Variants in HAL observed in about 807,000 individuals in gnomAD.
The protein encoded by HAL is histidase.
HAL carries 85 observed loss-of-function variants against 81.1 expected under a neutral mutation model. The observed-to-expected ratio is 1.05, with a 90% CI of 0.88 to 1.25. The LOEUF (loss-of-function observed/expected upper bound fraction) is 1.25. HAL is among the 50% of genes most tolerant of loss of function. The pLI is 0.00. For missense variants in HAL, 798 were observed against 836.6 expected (o/e 0.95, Z 0.57); for synonymous variants, 301 against 309.2 (o/e 0.97, Z 0.28).
intron 9 of HAL, 39 bp downstream of exon 9, chr12:95,992,641 G>A: frequency 6.4e-7 from 1 of 1,574,788 alleles, no homozygotes; most frequent in Non-Finnish European, 8.7e-7. Context: ...TACATGTCCA[G>A]CCTCCACAGA....
At chr12:95,983,400 A>C (rs73216221) in intron 15 of HAL, among the ~76,000 whole-genome samples, 21,764 of 152,132 alleles carry the variant, frequency 0.14, 2,025 homozygotes, top group Non-Finnish European at 0.22. Context: ...AATAAACAAA[A>C]AAAAAAATGC....
chr12:95,986,353 C>T (rs12301817), intron 12 of HAL, among the ~76,000 whole-genome samples, 193 bp from the exon 13 acceptor site: 24,472 of 152,048 alleles, frequency 0.16, 2,151 homozygotes, highest in Non-Finnish European at 0.21. Flanking sequence ...GATATTAGAA[C>T]AAATGACCAT....
At chr12:95,977,898 A>C (rs1302599467) in intron 18 of HAL, 46 bp downstream of exon 18, 13 of 1,604,764 alleles carry the variant, frequency 8.1e-6, no homozygotes, top group Non-Finnish European at 8.5e-6. Context: ...CCACGGGCAC[A>C]GTGGTCTATC....
Position 95,976,461 on chromosome 12 carries a change from C to G in HAL, c.1801G>C (p.Glu601Gln), listed in dbSNP as rs377498665. ...TCCAGGAGCAGCCTGTGGGCTGCCT[C>G]GATGTCCGGGGCCATGAAGCGATCT... ...IKDRFMAPDI[E>Q]AAHRLLLEQK... The change falls in exon 20 of 21, where the codon GAG becomes CAG. Residue 601 changes from glutamate to glutamine, a missense_variant. Coordinates refer to ENST00000261208, the MANE Select transcript of HAL (RefSeq NM_002108.4). 6.2e-7 allele frequency: 1 copy of G among 1,614,088 alleles called. No homozygotes were observed. The highest frequency in any genetic ancestry group is 8.5e-7 in the Non-Finnish European group (1 of 1,179,972).
In HAL at chr12:95,974,037, C is replaced by T. The variant is rs986714572; in HGVS notation, c.*195G>A. 16 of 649,668 alleles carry T rather than the reference C, an allele frequency of 2.5e-5. No individual in the cohort carries two copies. Among genetic ancestry groups the T allele is most frequent in the Non-Finnish European group, 4.1e-5 (15 of 364,520 alleles). The allele number at this position is 649,668 out of a possible 1,614,324, so 40.2% of individuals were successfully genotyped here. A position where few individuals can be genotyped will look rare whatever the true frequency, so the allele number is the denominator to read the frequency against. ...CTGAAAATACCTGGTGGGTCTTGAA[C>T]CACGACAACAGGAACACAGTGCTGA... On this transcript the variant is annotated 3_prime_UTR_variant, in exon 21 of 21. Transcript: ENST00000261208.
chr12:95,990,603 G>T, intron 9 of HAL, 71 bp from the exon 10 acceptor site: 2 of 1,198,156 alleles, frequency 1.7e-6, no homozygotes, highest in Non-Finnish European at 1.2e-6. Flanking sequence ...GCCAGTGAGT[G>T]CCCCCACTGC....
At chr12:95,995,243 T>C in intron 2 of HAL, 1 of 587,352 alleles carries the variant, frequency 1.7e-6, no homozygotes, top group Non-Finnish European at 3.0e-6. Context: ...TCCATCCCCA[T>C]TCCCAGCTTT....
intron 18 of HAL, among the ~76,000 whole-genome samples, chr12:95,977,163 A>G (rs2080730712): frequency 6.6e-6 from 1 of 152,174 alleles, no homozygotes; most frequent in African/African-American, 2.4e-5. Flanking sequence ...GTGGTTTCCA[A>G]TTCCATATGA....
In HAL at chr12:95,987,130, C is replaced by A. The variant is rs1949899563; in HGVS notation, c.988G>T (p.Ala330Ser). Residue 330 changes from alanine (A) to serine (S), a missense_variant, in exon 12 of 21, where the codon GCT becomes TCT. Ala to Ser is a moderately conservative substitution (Grantham distance 99). Transcript: ENST00000261208. ...VERASAIARQ[A>S]DIVAALTLEV... is the part of the protein sequence containing the mutation. ...AGGGTCAGGGCTGCCACAATGTCAG[C>A]CTGCCGTGCAATAGCACTGGCTCGC... 1 of 1,613,664 alleles carries A rather than the reference C, an allele frequency of 6.2e-7. No individual in the cohort carries two copies. The highest frequency in any genetic ancestry group is 2.2e-5 in the East Asian group (1 of 44,890).
At chr12:95,974,814 A>G (rs1348412688) in intron 20 of HAL, among the ~76,000 whole-genome samples, 1 of 152,032 alleles carries the variant, frequency 6.6e-6, no homozygotes, top group Non-Finnish European at 1.5e-5. Flanking sequence ...ATCTCAGCTC[A>G]CTGCAACCTC....
intron 9 of HAL, 145 bp downstream of exon 9, chr12:95,992,535 C>T: frequency 1.5e-6 from 1 of 681,756 alleles, no homozygotes; most frequent in Non-Finnish European, 2.6e-6. Flanking sequence ...ATCTAACTAT[C>T]CTACTTTTTG....
chr12:95,974,884 T>C (rs529786918), intron 20 of HAL, among the ~76,000 whole-genome samples: 3 of 152,146 alleles, frequency 2.0e-5, no homozygotes, highest in South Asian at 4.2e-4. Flanking sequence ...GGATTACAGG[T>C]GCATGCCACC....
rs372390345 is a variant in HAL at position 95,993,851 on chromosome 12, G to C, written c.485-13C>G. The C allele has an allele frequency of 3.2e-5, 49 of 1,519,422 alleles. No individual in the cohort carries two copies. The African/African-American group carries it at 6.7e-4, about 21-fold the overall frequency. 94.1% of individuals were successfully genotyped at this position (1,519,422 alleles called of 1,614,324 possible). A position where few individuals can be genotyped will look rare whatever the true frequency, so the allele number is the denominator to read the frequency against. ...ATACCGTAAACAACTAGAATAAAAA[G>C]AGACATTATGCAATTAAATGCAGGG... On this transcript the variant is annotated splice_polypyrimidine_tract_variant and intron_variant, in intron 6 of 20. Coordinates refer to ENST00000261208, the MANE Select transcript of HAL (RefSeq NM_002108.4).
Position 95,996,087 on chromosome 12 carries a change from C to T in HAL, c.-91G>A. 1.4e-6 allele frequency: 1 copy of T among 693,636 alleles called. No homozygotes were observed. Among genetic ancestry groups the T allele is most frequent in the Non-Finnish European group, 2.5e-6 (1 of 402,600 alleles). 43.0% of individuals were successfully genotyped at this position (693,636 alleles called of 1,614,324 possible). A position where few individuals can be genotyped will look rare whatever the true frequency, so the allele number is the denominator to read the frequency against. ...ATATTTATTGAGGTACCTGCTGTCC[C>T]TTTGGTTTTTGTAGCCGAGCAGGGG... On this transcript the variant is annotated 5_prime_UTR_variant, in exon 1 of 21. Transcript: ENST00000261208.
chr12:95,987,121 C>T lies in HAL; in HGVS notation c.997G>A (p.Val333Met). Residue 333 changes from valine to methionine, a missense_variant, in exon 12 of 21, where the codon GTG becomes ATG. Coordinates refer to ENST00000261208, the MANE Select transcript of HAL (RefSeq NM_002108.4). Reference sequence around the variant, plus strand: ...AGCACCTCAAGGGTCAGGGCTGCCACAATGTCAGCCTGCCGTGCAATAGCA... The same window carrying T: ...AGCACCTCAAGGGTCAGGGCTGCCATAATGTCAGCCTGCCGTGCAATAGCA... ...ASAIARQADI[V>M]AALTLEVLKG... The T allele has an allele frequency of 6.2e-7, 1 of 1,611,812 alleles. No homozygotes were observed. The highest frequency in any genetic ancestry group is 8.5e-7 in the Non-Finnish European group (1 of 1,177,850).
chr12:95,992,881 C>CCCTCCCTG (rs1949989536), intron 8 of HAL, 76 bp from the exon 9 acceptor site: 1 of 1,341,094 alleles, frequency 7.5e-7, no homozygotes, highest in Non-Finnish European at 1.1e-6. Context: ...CTCCCTCCCT[C>CCCTCCCTG]CAATCTTTCC....
chr12:95,980,137 A>ATCCAAAGTTTAATTATAGGTTTAAAAG (rs2080773492), intron 17 of HAL, among the ~76,000 whole-genome samples: 1 of 152,202 alleles, frequency 6.6e-6, no homozygotes. Context: ...AGTGAAATGA[A>ATCCAAAGTTTAATTATAGGTTTAAAAG]TCCAAAGTTT....
Position 95,993,821 on chromosome 12 carries a change from T to A in HAL, c.502A>T (p.Thr168Ser). The A allele has an allele frequency of 6.3e-7, 1 of 1,576,436 alleles. No homozygotes were observed. The part of the protein sequence containing the change: ...KEKTVVYGIT[T>S]GFGKFARTVI... ...GTTCTGGCAAATTTCCCAAAACCTG[T>A]AGTAATACCGTAAACAACTAGAATA... The change falls in exon 7 of 21, where the codon ACA becomes TCA. Residue 168 changes from threonine (T) to serine (S), a missense_variant. Physicochemically the swap from Thr to Ser is moderately conservative, Grantham distance 58. Coordinates refer to ENST00000261208, the MANE Select transcript of HAL (RefSeq NM_002108.4).
Position 95,976,515 on chromosome 12 carries a change from TC to T in HAL, c.1764-18del. On this transcript the variant is annotated intron_variant, in intron 19 of 20. Coordinates refer to ENST00000261208, the MANE Select transcript of HAL (RefSeq NM_002108.4). Reference sequence around the variant, plus strand: ...ATCCAGGGCCTACAGGGAGAGCACATCCGCCCATCAGCCAAACATGAAACCC... The same window carrying T: ...ATCCAGGGCCTACAGGGAGAGCACATCGCCCATCAGCCAAACATGAAACCC... 1 of 1,613,326 alleles carries T rather than the reference TC, an allele frequency of 6.2e-7. No homozygotes were observed. The highest frequency in any genetic ancestry group is 8.5e-7 in the Non-Finnish European group (1 of 1,179,294).
Sources: allele counts gnomAD v4.1 joint callset (sites outside exome capture counted in the v4.1 genomes callset), GRCh38; gene constraint gnomAD v4.1.1; transcripts MANE v1.5; gene names NCBI Gene and HGNC (gene_info 2026-07-23, HGNC 2026-07-21).